TLL1: variants seen among roughly 807,000 people sequenced by gnomAD.
The protein encoded by TLL1 is tolloid-like protein 1.
Under a neutral mutation model 128.2 loss-of-function variants are expected in TLL1, and 49 were observed. That is an observed-to-expected ratio of 0.38 (90% CI 0.30 to 0.48). The LOEUF (loss-of-function observed/expected upper bound fraction) is 0.48, where lower values mean the gene tolerates loss of function less well. Ranked by LOEUF, TLL1 falls within the 20% of genes least tolerant of loss-of-function variation. The pLI, the probability that TLL1 is intolerant of heterozygous loss-of-function variation, is 0.96. For missense variants in TLL1, 1,123 were observed against 1,242.0 expected (o/e 0.90, Z 1.44); for synonymous variants, 454 against 418.8 (o/e 1.08, Z -1.03).
At chr4:166,090,808 G>A (rs538604215) in intron 18 of TLL1, among the ~76,000 whole-genome samples, 9 of 152,104 alleles carry the variant, frequency 5.9e-5, no homozygotes, top group South Asian at 4.1e-4. Context: ...ATTTTCTGAT[G>A]AATCCTTTGG....
At chr4:166,057,038 C>A in intron 13 of TLL1, 146 bp from the exon 14 acceptor site, 2 of 805,358 alleles carry the variant, frequency 2.5e-6, no homozygotes, top group Non-Finnish European at 4.2e-6. Context: ...ATTCAGTTAC[C>A]TCTCACCAGG....
chr4:165,976,150 GA>G (rs1735877836), intron 1 of TLL1, among the ~76,000 whole-genome samples: 1 of 150,294 alleles, frequency 6.7e-6, no homozygotes, highest in Non-Finnish European at 1.5e-5. Context: ...TACACACACA[GA>G]GCAACTGAAA....
chr4:165,899,698 G>C (rs971199095), intron 1 of TLL1, among the ~76,000 whole-genome samples: 2 of 152,160 alleles, frequency 1.3e-5, no homozygotes, highest in African/African-American at 4.8e-5. Flanking sequence ...TGCATATTCT[G>C]TTGATCTGGG....
At chr4:166,020,473 G>A (rs906091329) in intron 8 of TLL1, among the ~76,000 whole-genome samples, 1 of 152,060 alleles carries the variant, frequency 6.6e-6, no homozygotes, top group Non-Finnish European at 1.5e-5. Flanking sequence ...TAAGGTATAC[G>A]AGTTGTAACG....
intron 8 of TLL1, among the ~76,000 whole-genome samples, chr4:166,016,136 T>C (rs1190028636): frequency 6.6e-6 from 1 of 152,050 alleles, no homozygotes; most frequent in African/African-American, 2.4e-5. Context: ...CGTAAATCCC[T>C]TTAAAATGTT....
intron 1 of TLL1, among the ~76,000 whole-genome samples, chr4:165,976,426 A>T (rs1416043588): frequency 6.6e-6 from 1 of 152,244 alleles, no homozygotes; most frequent in Admixed American, 6.5e-5. Flanking sequence ...TTATGGGAAG[A>T]TGTAAATAAA....
chr4:166,091,466 C>A, intron 19 of TLL1, 125 bp downstream of exon 19: 2 of 787,044 alleles, frequency 2.5e-6, no homozygotes, highest in Admixed American at 2.6e-5. Context: ...TTCACTGAAG[C>A]ACTTTGTGAA....
At chr4:165,934,324 A>G (rs994704785) in intron 1 of TLL1, among the ~76,000 whole-genome samples, 3 of 152,106 alleles carry the variant, frequency 2.0e-5, no homozygotes, top group African/African-American at 7.2e-5. Context: ...CTCATTCTCC[A>G]TTTCTAAGTG....
chr4:166,036,915 A>G (rs1278040488), intron 9 of TLL1, among the ~76,000 whole-genome samples: 1 of 151,746 alleles, frequency 6.6e-6, no homozygotes, highest in African/African-American at 2.4e-5. Flanking sequence ...ACATACTTCT[A>G]ATTTAGCTTT....
At chr4:166,078,933 G>T (rs1741160126) in intron 18 of TLL1, among the ~76,000 whole-genome samples, 1 of 152,028 alleles carries the variant, frequency 6.6e-6, no homozygotes, top group African/African-American at 2.4e-5. Context: ...TCCCTTCAGT[G>T]AATATTATTG....
At chr4:165,937,226 C>G (rs144678131) in intron 1 of TLL1, among the ~76,000 whole-genome samples, 32 of 152,230 alleles carry the variant, frequency 2.1e-4, no homozygotes, top group African/African-American at 7.7e-4. Context: ...TAGGACACAT[C>G]TATTTATTTT....
In TLL1 at chr4:166,101,119, C is replaced by T; in HGVS notation, c.*243C>T. The T allele has an allele frequency of 6.3e-6, 3 of 473,624 alleles. No individual in the cohort carries two copies. The highest frequency in any genetic ancestry group is 1.1e-5 in the Non-Finnish European group (3 of 262,236). The allele number at this position is 473,624 out of a possible 1,614,324, so 29.3% of individuals were successfully genotyped here. On this transcript the variant is annotated 3_prime_UTR_variant, in exon 21 of 21. Transcript: ENST00000061240. ...AAAGCTGGTGAAAGGGCATCATATA[C>T]TTCAAGGAAGACTCTACAAGCTTTT...
At chr4:166,072,278 T>C (rs1740827708) in intron 16 of TLL1, among the ~76,000 whole-genome samples, 1 of 152,012 alleles carries the variant, frequency 6.6e-6, no homozygotes, top group Non-Finnish European at 1.5e-5. Flanking sequence ...GAAACTCTGA[T>C]AAGTTGGGAA....
chr4:165,965,087 A>G (rs1333096067), intron 1 of TLL1, among the ~76,000 whole-genome samples: 1 of 152,146 alleles, frequency 6.6e-6, no homozygotes, highest in African/African-American at 2.4e-5. Context: ...GGTTATGTTC[A>G]AATCATTTAG....
At chr4:165,946,528 C>T (rs1472167931) in intron 1 of TLL1, among the ~76,000 whole-genome samples, 16 of 132,538 alleles carry the variant, frequency 1.2e-4, no homozygotes, top group Admixed American at 4.9e-4. Flanking sequence ...TTTGTAGAGA[C>T]GAGGTTTTCC....
intron 1 of TLL1, among the ~76,000 whole-genome samples, chr4:165,939,004 T>C (rs558438639): frequency 6.7e-6 from 1 of 149,586 alleles, no homozygotes; most frequent in East Asian, 1.9e-4. Context: ...TCTCTCTTTG[T>C]TTTGCTTTTT....
At chr4:165,971,648 T>A (rs1009317449) in intron 1 of TLL1, among the ~76,000 whole-genome samples, 1 of 152,226 alleles carries the variant, frequency 6.6e-6, no homozygotes, top group African/African-American at 2.4e-5. Flanking sequence ...AGCCCAAATT[T>A]CTCAGTGCGT....
intron 8 of TLL1, among the ~76,000 whole-genome samples, chr4:166,023,805 T>C (rs925442991): frequency 1.3e-5 from 2 of 152,214 alleles, no homozygotes; most frequent in African/African-American, 4.8e-5. Flanking sequence ...TAAGTATATT[T>C]AATTTATTTA....
At position 166,014,639 on chromosome 4, in the gene TLL1, CTGTT is replaced by C. The variant is rs1429688062; in HGVS notation, c.1042+87_1042+90del. On this transcript the variant is annotated intron_variant, in intron 8 of 20. Transcript: ENST00000061240. ...GATGAATAAGCCATGATTTACTCAA[CTGTT>C]TGTTTGTCTCCCTCCCTGTTGGCAA... 6.0e-5 allele frequency: 95 copies of C among 1,592,498 alleles called. No individual in the cohort carries two copies. The South Asian group carries it at 7.1e-4, about 12-fold the overall frequency.
Sources: allele counts gnomAD v4.1 joint callset (sites outside exome capture counted in the v4.1 genomes callset), GRCh38; gene constraint gnomAD v4.1.1; transcripts MANE v1.5; gene names NCBI Gene and HGNC (gene_info 2026-07-23, HGNC 2026-07-21).